LMTK2: variants seen among roughly 807,000 people sequenced by gnomAD.
The protein encoded by LMTK2 is serine/threonine-protein kinase LMTK2.
In LMTK2, 37 loss-of-function variants were observed where a neutral mutation model predicts 127.5. The observed-to-expected ratio is 0.29, with a 90% confidence interval of 0.22 to 0.38. LMTK2 has a LOEUF of 0.38. LMTK2 is among the 10% of genes least tolerant of loss of function. The probability of loss-of-function intolerance (pLI) is 1.00; values close to 1 mark genes in which losing one functional copy is unlikely to be tolerated. For missense variants in LMTK2, 1,694 were observed against 1,920.3 expected, an observed-to-expected ratio of 0.88 and a Z score of 2.20; for synonymous variants, 819 against 810.1, an observed-to-expected ratio of 1.01 and a Z score of -0.19.
At chr7:98,136,549 G>A (rs1032564288) in intron 1 of LMTK2, among the ~76,000 whole-genome samples, 6 of 152,156 alleles carry the variant, frequency 3.9e-5, no homozygotes, top group African/African-American at 7.2e-5. Flanking sequence ...GCTTACGTCC[G>A]TTCCCTGTGG....
intron 3 of LMTK2, among the ~76,000 whole-genome samples, chr7:98,147,473 C>T (rs1337050197): frequency 6.6e-6 from 1 of 152,196 alleles, no homozygotes; most frequent in Non-Finnish European, 1.5e-5. Context: ...AGTCCTCCCA[C>T]CTTAGCCTCC....
chr7:98,179,312 C>T (rs1797318188), intron 7 of LMTK2, among the ~76,000 whole-genome samples: 1 of 152,226 alleles, frequency 6.6e-6, no homozygotes, highest in South Asian at 2.1e-4. Context: ...TAGCCTCAGG[C>T]TGCTGCCCCT....
intron 1 of LMTK2, among the ~76,000 whole-genome samples, chr7:98,118,383 C>T (rs1796317088): frequency 6.6e-6 from 1 of 152,134 alleles, no homozygotes; most frequent in Admixed American, 6.5e-5. Context: ...TTTGGGGGGT[C>T]TTTCAGTGTT....
intron 5 of LMTK2, among the ~76,000 whole-genome samples, chr7:98,156,797 A>G (rs1796931930): frequency 6.6e-6 from 1 of 152,180 alleles, no homozygotes; most frequent in African/African-American, 2.4e-5. Context: ...CTGGAGACCC[A>G]GGGAATAGTC....
intron 6 of LMTK2, among the ~76,000 whole-genome samples, chr7:98,167,874 G>A (rs757623499): frequency 1.3e-5 from 2 of 152,134 alleles, no homozygotes; most frequent in East Asian, 1.9e-4. Context: ...AGGAAGGAGC[G>A]GCCAGTGGGA....
In LMTK2 at chr7:98,207,843, A is replaced by G. The variant is rs1010246073; in HGVS notation, c.*2351A>G. 2.6e-5 allele frequency: 4 copies of G among 152,022 alleles called. No individual in the cohort carries two copies. The highest frequency in any genetic ancestry group is 3.9e-4 in the East Asian group (2 of 5,182). 9.4% of individuals were successfully genotyped at this position (152,022 alleles called of 1,614,324 possible). ...TGGCTCACGCCTGCAATCCCAACACATTGGGGGGTCGAGGCGGACGGATCA... is the reference window on the plus strand; with the variant it reads ...TGGCTCACGCCTGCAATCCCAACACGTTGGGGGGTCGAGGCGGACGGATCA... On this transcript the variant is annotated 3_prime_UTR_variant, in exon 14 of 14. Coordinates refer to ENST00000297293, the MANE Select transcript of LMTK2 (RefSeq NM_014916.4).
intron 1 of LMTK2, among the ~76,000 whole-genome samples, chr7:98,136,487 G>C (rs908420354): frequency 2.6e-5 from 4 of 152,166 alleles, no homozygotes; most frequent in African/African-American, 4.8e-5. Context: ...ATTACTGGAG[G>C]GTTTTTAACC....
intron 1 of LMTK2, among the ~76,000 whole-genome samples, chr7:98,123,587 T>G (rs908517235): frequency 1.3e-5 from 2 of 152,164 alleles, no homozygotes; most frequent in Admixed American, 6.5e-5. Context: ...TGAACAGTTG[T>G]AAAGCTGTGC....
intron 7 of LMTK2, among the ~76,000 whole-genome samples, chr7:98,175,619 G>A (rs1797265004): frequency 6.6e-6 from 1 of 152,244 alleles, no homozygotes; most frequent in South Asian, 2.1e-4. Flanking sequence ...TTCATATATG[G>A]TGGGTGTCCA....
intron 2 of LMTK2, among the ~76,000 whole-genome samples, chr7:98,138,378 A>G (rs1255474706): frequency 1.3e-5 from 2 of 152,066 alleles, no homozygotes; most frequent in Admixed American, 1.3e-4. Context: ...TGCTGTCTTT[A>G]CCCCAAGCCT....
chr7:98,161,351 C>T (rs1797013930), intron 6 of LMTK2, among the ~76,000 whole-genome samples: 1 of 152,196 alleles, frequency 6.6e-6, no homozygotes, highest in African/African-American at 2.4e-5. Context: ...TCCTAGAGCT[C>T]TCTCTCCATG....
chr7:98,193,410 G>A lies in LMTK2; in HGVS notation c.2945G>A (p.Ser982Asn). The change falls in exon 11 of 14, where the codon AGC (serine) becomes AAC (asparagine). Residue 982 changes from serine (S) to asparagine (N), a missense_variant. This residue lies in a region of LMTK2 where 527 missense variants were observed against 539.8 expected (regional missense o/e 0.98). Transcript: ENST00000297293. The surrounding 1 kb of genome is among the most constrained non-coding windows in gnomAD (Gnocchi z 4.1). ...AGTCAGGACAGCCTCCTGGAGGACA[G>A]CTTGTCAGCACCCTTCCCAGCCTCT... ...STSQDSLLED[S>N]LSAPFPASEP... The A allele has an allele frequency of 6.2e-7, 1 of 1,614,144 alleles. No individual in the cohort carries two copies. Among genetic ancestry groups the A allele is most frequent in the Non-Finnish European group, 8.5e-7 (1 of 1,180,032 alleles).
At chr7:98,109,758 A>AAAAG (rs1161071871) in intron 1 of LMTK2, among the ~76,000 whole-genome samples, 1 of 151,796 alleles carries the variant, frequency 6.6e-6, no homozygotes, top group Admixed American at 6.6e-5. Flanking sequence ...AAAAAAAAAA[A>AAAAG]AAAAAGAAAG....
intron 6 of LMTK2, among the ~76,000 whole-genome samples, chr7:98,165,453 C>T (rs916423731): frequency 1.3e-5 from 2 of 152,128 alleles, no homozygotes; most frequent in African/African-American, 2.4e-5. Flanking sequence ...AGTGTGTTTA[C>T]GGGTGGCTTG....
At chr7:98,191,527 G>A in intron 10 of LMTK2, 87 bp from the exon 11 acceptor site, 1 of 1,099,172 alleles carries the variant, frequency 9.1e-7, no homozygotes, top group South Asian at 1.6e-5. Context: ...ACTCCAGACT[G>A]GGTGACAGAG....
At chr7:98,118,728 C>T (rs1347170399) in intron 1 of LMTK2, among the ~76,000 whole-genome samples, 1 of 152,096 alleles carries the variant, frequency 6.6e-6, no homozygotes, top group African/African-American at 2.4e-5. Context: ...GCTGAAAATG[C>T]TTCAGGAAGA....
Position 98,193,470 on chromosome 7 carries a change from C to T in LMTK2, c.3005C>T (p.Ser1002Leu), listed in dbSNP as rs745612898. 1 of 1,614,160 alleles carries T rather than the reference C, an allele frequency of 6.2e-7. No homozygotes were observed. The highest frequency in any genetic ancestry group is 8.5e-7 in the Non-Finnish European group (1 of 1,180,044). ...CTGGAAACCCCGGACTCTCTGGAGTCAGTGGATGTCCACGAAGCGCTACTG... is the reference window on the plus strand; with the variant it reads ...CTGGAAACCCCGGACTCTCTGGAGTTAGTGGATGTCCACGAAGCGCTACTG... Reference protein sequence around the residue: ...PSLETPDSLESVDVHEALLDS... With the variant: ...PSLETPDSLELVDVHEALLDS... Residue 1002 changes from serine (S) to leucine (L), a missense_variant, in exon 11 of 14, where the codon TCA (serine) becomes TTA (leucine). This residue lies in a region of LMTK2 where 65 missense variants were observed against 116.5 expected (regional missense o/e 0.56). Coordinates refer to ENST00000297293, the MANE Select transcript of LMTK2 (RefSeq NM_014916.4). The surrounding 1 kb of genome is among the most constrained non-coding windows in gnomAD (Gnocchi z 4.1).
Position 98,191,765 on chromosome 7 carries a change from A to G in LMTK2, c.1300A>G (p.Asn434Asp), listed in dbSNP as rs1797528415. Reference protein sequence around the residue: ...QQWNALKPNTNSRDSSNNAAF... With the variant: ...QQWNALKPNTDSRDSSNNAAF... ...GTGGAACGCTCTGAAGCCGAACACAAACAGCAGAGACTCCTCCAACAATGC... is the reference window on the plus strand; with the variant it reads ...GTGGAACGCTCTGAAGCCGAACACAGACAGCAGAGACTCCTCCAACAATGC... The change falls in exon 11 of 14, where the codon AAC (asparagine) becomes GAC (aspartate). Residue 434 changes from asparagine to aspartate, a missense_variant. By Grantham distance (23) the Asn-to-Asp change is conservative. This residue lies in a region of LMTK2 where 216 missense variants were observed against 266.8 expected (regional missense o/e 0.81). Coordinates refer to ENST00000297293, the MANE Select transcript of LMTK2 (RefSeq NM_014916.4). The G allele has an allele frequency of 1.9e-6, 3 of 1,614,130 alleles. No individual in the cohort carries two copies. Among genetic ancestry groups the G allele is most frequent in the African/African-American group, 1.3e-5 (1 of 75,048 alleles).
chr7:98,128,357 C>A (rs887959116), intron 1 of LMTK2, among the ~76,000 whole-genome samples: 8 of 152,038 alleles, frequency 5.3e-5, no homozygotes, highest in Admixed American at 5.2e-4. Context: ...CACAGAGACA[C>A]CAGGGATGCA....
Sources: allele counts gnomAD v4.1 joint callset (sites outside exome capture counted in the v4.1 genomes callset), GRCh38; gene constraint gnomAD v4.1.1; regional missense constraint gnomAD v4.1.1; non-coding constraint Gnocchi (gnomAD v3.1); transcripts MANE v1.5; gene names NCBI Gene and HGNC (gene_info 2026-07-23, HGNC 2026-07-21).